The following ASAP1 variants were observed in gnomAD, a reference collection of about 807,000 sequenced individuals.
ASAP1 encodes arf-GAP with SH3 domain, ANK repeat and PH domain-containing protein 1.
A neutral mutation model predicts 145.2 loss-of-function variants in ASAP1; 43 were observed. That is an observed-to-expected ratio of 0.30 (90% CI 0.23 to 0.38). The LOEUF (loss-of-function observed/expected upper bound fraction) is 0.38. ASAP1 is among the 10% of genes least tolerant of loss of function. The pLI is 1.00. For synonymous variants in ASAP1, 546 were observed against 515.5 expected, an observed-to-expected ratio of 1.06 and a Z score of -0.80; for missense variants, 1,018 against 1,355.3, an observed-to-expected ratio of 0.75 and a Z score of 3.91.
At chr8:130,423,807 T>C (rs1829812368) in intron 1 of ASAP1, among the ~76,000 whole-genome samples, 1 of 152,214 alleles carries the variant, frequency 6.6e-6, no homozygotes, top group African/African-American at 2.4e-5. Flanking sequence ...TTGTTCTTTC[T>C]GAATTTTCTG....
chr8:130,430,982 T>G (rs1397743282), intron 1 of ASAP1, among the ~76,000 whole-genome samples: 1 of 152,068 alleles, frequency 6.6e-6, no homozygotes, highest in African/African-American at 2.4e-5. Context: ...CTCAGATAGT[T>G]TCCCACTGAA....
intron 2 of ASAP1, among the ~76,000 whole-genome samples, chr8:130,388,235 G>A (rs1828115315): frequency 1.3e-5 from 2 of 152,178 alleles, no homozygotes; most frequent in South Asian, 4.1e-4. Context: ...TGGGGAAACG[G>A]GGTGGAGGCA....
chr8:130,257,929 A>G (rs544704392), intron 3 of ASAP1, among the ~76,000 whole-genome samples: 1 of 152,240 alleles, frequency 6.6e-6, no homozygotes, highest in African/African-American at 2.4e-5. Flanking sequence ...CCAAATCCAA[A>G]TTCAACCTGC....
Position 130,076,426 on chromosome 8 carries a change from C to G in ASAP1, c.2643-20G>C. 1 of 1,579,400 alleles carries G rather than the reference C, an allele frequency of 6.3e-7. No homozygotes were observed. Among genetic ancestry groups the G allele is most frequent in the South Asian group, 1.1e-5 (1 of 88,004 alleles). On this transcript the variant is annotated intron_variant, in intron 26 of 29. Transcript: ENST00000518721. The stretch of plus-strand genomic sequence containing the variant: ...CTGGTGCTAATCAACAAATAAGAAT[C>G]ATTTAGGATCTAAAAGTGCTAGAAT...
chr8:130,212,400 G>C (rs1290178475), intron 5 of ASAP1, among the ~76,000 whole-genome samples: 1 of 152,170 alleles, frequency 6.6e-6, no homozygotes. Context: ...TATGTATATG[G>C]GAGTAGCTTG....
chr8:130,287,322 A>G (rs892979565), intron 3 of ASAP1, among the ~76,000 whole-genome samples: 1 of 152,158 alleles, frequency 6.6e-6, no homozygotes, highest in Middle Eastern at 3.2e-3. Context: ...TAGGGTAGGT[A>G]AGGTTACTTC....
At chr8:130,322,478 G>C (rs1041664465) in intron 3 of ASAP1, among the ~76,000 whole-genome samples, 10 of 152,096 alleles carry the variant, frequency 6.6e-5, no homozygotes, top group Non-Finnish European at 1.0e-4. Flanking sequence ...CCTTGTATTT[G>C]AATCACTGGC....
chr8:130,161,926 GAGTA>G (rs2097669990), intron 11 of ASAP1, among the ~76,000 whole-genome samples: 1 of 152,088 alleles, frequency 6.6e-6, no homozygotes. Context: ...TCAGCCTTCT[GAGTA>G]GCTGGGACTA....
At chr8:130,220,785 T>TA (rs1262289232) in intron 4 of ASAP1, among the ~76,000 whole-genome samples, 3 of 152,100 alleles carry the variant, frequency 2.0e-5, no homozygotes, top group South Asian at 2.1e-4. Flanking sequence ...TCAGGAAACT[T>TA]AGAGTCATGG....
chr8:130,361,804 CG>C lies in ASAP1; in HGVS notation c.60-3662del. On this transcript the variant is annotated intron_variant, in intron 2 of 29. Coordinates refer to ENST00000518721, the MANE Select transcript of ASAP1 (RefSeq NM_018482.4). ...CAAATAGAGACTGACATGGGCAAAA[CG>C]TAAATGCTGGATTTCTTTGTGTGGA... The C allele has an allele frequency of 2.1e-6, 3 of 1,439,838 alleles. No individual in the cohort carries two copies. In the South Asian group the frequency reaches 3.7e-5, roughly 18 times the overall value. The allele number at this position is 1,439,838 out of a possible 1,614,324, so 89.2% of individuals were successfully genotyped here. A position where few individuals can be genotyped will look rare whatever the true frequency, so the allele number is the denominator to read the frequency against.
chr8:130,390,890 T>C (rs1250872521), intron 2 of ASAP1, among the ~76,000 whole-genome samples: 1 of 151,226 alleles, frequency 6.6e-6, no homozygotes, highest in Admixed American at 6.6e-5. Context: ...AAAGTAAACA[T>C]GGAATTATTG....
chr8:130,178,144 C>G (rs1373871931), intron 9 of ASAP1, among the ~76,000 whole-genome samples: 1 of 152,142 alleles, frequency 6.6e-6, no homozygotes, highest in Non-Finnish European at 1.5e-5. Context: ...TAAGAAAGAT[C>G]AAAGGAAATT....
intron 3 of ASAP1, among the ~76,000 whole-genome samples, chr8:130,303,566 T>C (rs1340266203): frequency 1.3e-5 from 2 of 152,252 alleles, no homozygotes; most frequent in Admixed American, 6.5e-5. Context: ...CAATGGAATA[T>C]TATTTTTATA....
intron 3 of ASAP1, among the ~76,000 whole-genome samples, chr8:130,262,718 A>G (rs1303627359): frequency 6.6e-6 from 1 of 152,200 alleles, no homozygotes; most frequent in African/African-American, 2.4e-5. Flanking sequence ...TTCCCCCCAA[A>G]AGCTCTAAGA....
At chr8:130,173,508 G>A (rs1000577643) in intron 9 of ASAP1, among the ~76,000 whole-genome samples, 2 of 152,202 alleles carry the variant, frequency 1.3e-5, no homozygotes, top group Non-Finnish European at 2.9e-5. Flanking sequence ...GCTCATGCCT[G>A]TAATACCAGC....
intron 1 of ASAP1, among the ~76,000 whole-genome samples, chr8:130,434,972 G>A (rs962475425): frequency 3.9e-5 from 6 of 152,178 alleles, no homozygotes; most frequent in Admixed American, 1.3e-4. Context: ...ATTACAGGGC[G>A]AGGTGAAGGA....
chr8:130,440,402 G>A (rs1244100644), intron 1 of ASAP1, among the ~76,000 whole-genome samples: 1 of 151,902 alleles, frequency 6.6e-6, no homozygotes, highest in Non-Finnish European at 1.5e-5. Context: ...AGCTACTCAG[G>A]AGGCTGAGGC....
At chr8:130,144,732 T>C (rs1222089092) in intron 13 of ASAP1, among the ~76,000 whole-genome samples, 1 of 152,222 alleles carries the variant, frequency 6.6e-6, no homozygotes, top group Non-Finnish European at 1.5e-5. Flanking sequence ...GTAGTGATTA[T>C]CTAACTGAAG....
intron 3 of ASAP1, among the ~76,000 whole-genome samples, chr8:130,280,036 C>G (rs1038900755): frequency 1.3e-5 from 2 of 152,130 alleles, no homozygotes; most frequent in Admixed American, 1.3e-4. Flanking sequence ...CTTACATGTT[C>G]CTTATTTTAT....
Sources: allele counts gnomAD v4.1 joint callset (sites outside exome capture counted in the v4.1 genomes callset), GRCh38; gene constraint gnomAD v4.1.1; transcripts MANE v1.5; gene names NCBI Gene and HGNC (gene_info 2026-07-23, HGNC 2026-07-21).